Variants in CELF1 observed in about 807,000 individuals in gnomAD.
CELF1 encodes the protein 50 kDa nuclear polyadenylated RNA-binding protein.
In CELF1, 10 loss-of-function variants were observed where a neutral mutation model predicts 61.8. The observed-to-expected ratio is 0.16, with a 90% CI of 0.10 to 0.27. The LOEUF (loss-of-function observed/expected upper bound fraction) is 0.27. Among genes scored for constraint, CELF1 ranks in the 10% least tolerant of loss-of-function variants. The probability of loss-of-function intolerance (pLI) is 1.00; values close to 1 mark genes in which losing one functional copy is unlikely to be tolerated. For missense variants in CELF1, 380 were observed against 639.1 expected, an observed-to-expected ratio of 0.59 and a Z score of 4.37; for synonymous variants, 236 against 225.1, an observed-to-expected ratio of 1.05 and a Z score of -0.43.
intron 5 of CELF1, 63 bp from the exon 6 acceptor site, chr11:47,486,861 G>T: frequency 8.1e-7 from 1 of 1,241,590 alleles, no homozygotes; most frequent in Non-Finnish European, 1.2e-6. Context: ...AATACATATG[G>T]ACTCTAAAAT....
At chr11:47,488,561 G>C (rs1392488169) in intron 4 of CELF1, among the ~76,000 whole-genome samples, 3 of 152,138 alleles carry the variant, frequency 2.0e-5, no homozygotes, top group African/African-American at 7.2e-5. Flanking sequence ...ACAAAGGACT[G>C]CCCAAGACCC....
At chr11:47,490,802 T>C (rs2091061972) in intron 3 of CELF1, among the ~76,000 whole-genome samples, 1 of 152,124 alleles carries the variant, frequency 6.6e-6, no homozygotes, top group Admixed American at 6.5e-5. Context: ...TGTCTGAAGA[T>C]CCTTAAGAAT....
chr11:47,556,949 G>C (rs147238493), upstream of CELF1, among the ~76,000 whole-genome samples: 1,131 of 152,156 alleles, frequency 7.4e-3, 13 homozygotes, highest in African/African-American at 0.025. Flanking sequence ...GCCCATGCTG[G>C]AGTACAGTGG....
chr11:47,528,883 C>G (rs951698449), intron 1 of CELF1, among the ~76,000 whole-genome samples: 18 of 145,332 alleles, frequency 1.2e-4, no homozygotes, highest in Non-Finnish European at 2.5e-4. Flanking sequence ...ACAGTGAGAC[C>G]CTGCCTCAAA....
At chr11:47,520,730 T>C (rs1182893644) in intron 1 of CELF1, among the ~76,000 whole-genome samples, 2 of 152,162 alleles carry the variant, frequency 1.3e-5, no homozygotes, top group Non-Finnish European at 2.9e-5. Flanking sequence ...GAGGATCACT[T>C]GACCCTGGGA....
intron 3 of CELF1, among the ~76,000 whole-genome samples, chr11:47,489,519 A>T (rs2153476584): frequency 6.6e-6 from 1 of 152,216 alleles, no homozygotes; most frequent in East Asian, 1.9e-4. Flanking sequence ...ATTTTCAAGG[A>T]TTAAACTAAG....
chr11:47,486,577 T>C (rs1459416933), intron 6 of CELF1, among the ~76,000 whole-genome samples, 173 bp downstream of exon 6: 1 of 152,042 alleles, frequency 6.6e-6, no homozygotes, highest in African/African-American at 2.4e-5. Context: ...ACCCAGCTAA[T>C]GTTTGTATTT....
chr11:47,513,840 A>G (rs2095392467), intron 1 of CELF1: 1 of 151,408 alleles, frequency 6.6e-6, no homozygotes, highest in South Asian at 2.1e-4. Flanking sequence ...TTAATTAATT[A>G]TACTTACAAC....
chr11:47,529,650 C>T lies in CELF1; in HGVS notation c.-154+23342G>A, dbSNP rs575059591. On this transcript the variant is annotated intron_variant, in intron 1 of 14. Transcript: ENST00000687097. ...CTCCAGCCTAGGCAACACAGCGAGA[C>T]TCCGACTCGGGAAAAAAAAAATTAG... 2.6e-5 allele frequency among the ~76,000 whole-genome samples: 4 copies of T among 151,978 alleles called. No homozygotes were observed. In the South Asian group the frequency reaches 8.4e-4, roughly 32 times the overall value.
At chr11:47,525,328 C>A (rs1433679031) in intron 1 of CELF1, among the ~76,000 whole-genome samples, 4 of 152,198 alleles carry the variant, frequency 2.6e-5, no homozygotes, top group Non-Finnish European at 5.9e-5. Context: ...TAGAACAATT[C>A]ATTTAGATTC....
intron 3 of CELF1, among the ~76,000 whole-genome samples, chr11:47,489,935 G>GTTTTATTTTTTTTTTTTTTTTTTTTTT (rs2090221098): frequency 2.1e-5 from 1 of 48,226 alleles, no homozygotes; most frequent in Non-Finnish European, 3.9e-5. Flanking sequence ...ATACCATCTT[G>GTTTTATTTTTTTTTTTTTTTTTTTTTT]TTTTTTTTTT....
At chr11:47,516,601 CTT>C (rs1399209284) in intron 1 of CELF1, among the ~76,000 whole-genome samples, 3 of 144,552 alleles carry the variant, frequency 2.1e-5, no homozygotes, top group African/African-American at 2.5e-5. Flanking sequence ...ATAATATTCT[CTT>C]TTTTTTTTTT....
At chr11:47,533,343 C>T (rs993323337) in intron 1 of CELF1, among the ~76,000 whole-genome samples, 6 of 152,046 alleles carry the variant, frequency 3.9e-5, no homozygotes, top group Admixed American at 1.3e-4. Context: ...AAAAATTGGC[C>T]GGGTATAGTG....
intron 1 of CELF1, among the ~76,000 whole-genome samples, chr11:47,515,652 G>A (rs1438123197): frequency 1.3e-5 from 2 of 152,168 alleles, no homozygotes; most frequent in Non-Finnish European, 2.9e-5. Flanking sequence ...GATGTCTCTT[G>A]CGGAGTCATT....
At chr11:47,512,045 T>C (rs536391038) in intron 1 of CELF1, among the ~76,000 whole-genome samples, 13 of 152,242 alleles carry the variant, frequency 8.5e-5, no homozygotes, top group African/African-American at 3.1e-4. Context: ...AAACAGGGTT[T>C]CCCCATGTTG....
intron 9 of CELF1, 76 bp downstream of exon 9, chr11:47,482,619 T>C: frequency 7.0e-7 from 1 of 1,427,528 alleles, no homozygotes; most frequent in Non-Finnish European, 9.5e-7. Flanking sequence ...CCACTGTGTT[T>C]GTTGGCTAGG....
chr11:47,529,586 G>T (rs1171523956), intron 1 of CELF1, among the ~76,000 whole-genome samples: 1 of 152,170 alleles, frequency 6.6e-6, no homozygotes, highest in East Asian at 1.9e-4. Flanking sequence ...TTGAACCCAG[G>T]AAGTGGAGGT....
At chr11:47,552,826 G>A (rs940135102) in intron 1 of CELF1, among the ~76,000 whole-genome samples, 166 bp downstream of exon 1, 3 of 152,310 alleles carry the variant, frequency 2.0e-5, no homozygotes, top group East Asian at 1.9e-4. Flanking sequence ...CATGCAGGAG[G>A]AGATCGCAGC....
intron 3 of CELF1, among the ~76,000 whole-genome samples, chr11:47,493,853 G>A (rs1459841250): frequency 6.6e-6 from 1 of 152,128 alleles, no homozygotes; most frequent in African/African-American, 2.4e-5. Context: ...TGTGTCTGAA[G>A]AGAAACAACA....
Sources: allele counts gnomAD v4.1 joint callset (sites outside exome capture counted in the v4.1 genomes callset), GRCh38; gene constraint gnomAD v4.1.1; transcripts MANE v1.5; gene names NCBI Gene and HGNC (gene_info 2026-07-23, HGNC 2026-07-21).